Variants in LRRN2 observed in about 807,000 individuals in gnomAD.
LRRN2 encodes the protein leucine rich repeat neuronal 2, also known as leucine-rich repeat neuronal protein 2.
LRRN2 carries 10 observed loss-of-function variants against 35.7 expected under a neutral mutation model. That is an observed-to-expected ratio of 0.28 (90% confidence interval 0.17 to 0.47). LRRN2 has a LOEUF of 0.47. LRRN2 is among the 20% of genes least tolerant of loss of function. LRRN2 has a pLI of 0.99. For synonymous variants in LRRN2, 391 were observed against 409.6 expected, an observed-to-expected ratio of 0.95 and a Z score of 0.55; for missense variants, 731 against 940.3, an observed-to-expected ratio of 0.78 and a Z score of 2.91.
At chr1:204,640,555 A>C (rs1324297628) in intron 1 of LRRN2, among the ~76,000 whole-genome samples, 1 of 152,132 alleles carries the variant, frequency 6.6e-6, no homozygotes, top group Non-Finnish European at 1.5e-5. Flanking sequence ...CCTTCCGAGG[A>C]GACGGTGAGG....
Position 204,663,421 on chromosome 1 carries a change from G to T in LRRN2, c.-227+21899C>A, listed in dbSNP as rs147067937. Among the ~76,000 whole-genome samples, 1,010 of 152,282 alleles carry T rather than the reference G, an allele frequency of 6.6e-3. 6 individuals are homozygous for T. The highest frequency in any genetic ancestry group is 0.01 in the Middle Eastern group (3 of 294). On this transcript the variant is annotated intron_variant, in intron 1 of 1. Coordinates refer to ENST00000367177, the MANE Select transcript of LRRN2 (RefSeq NM_201630.2). ...AGCTGTGTTCTTGGGTGACCTGTGG[G>T]TATCTGGGCCCATTTAATGCACCAA...
chr1:204,668,990 ATTT>A (rs1194044559), intron 1 of LRRN2, among the ~76,000 whole-genome samples: 1 of 152,050 alleles, frequency 6.6e-6, no homozygotes, highest in Non-Finnish European at 1.5e-5. Flanking sequence ...CACCTGGCTA[ATTT>A]TTAAATCTTT....
chr1:204,682,630 T>C (rs897448489), intron 1 of LRRN2, among the ~76,000 whole-genome samples: 3 of 152,240 alleles, frequency 2.0e-5, no homozygotes, highest in Non-Finnish European at 2.9e-5. Context: ...ACTTTTGTAA[T>C]GTTCCTCACA....
At chr1:204,655,348 C>T (rs893565490) in intron 1 of LRRN2, among the ~76,000 whole-genome samples, 3 of 152,318 alleles carry the variant, frequency 2.0e-5, no homozygotes, top group South Asian at 2.1e-4. Flanking sequence ...AGTGCAGTGG[C>T]GCGATCTGGG....
chr1:204,628,133 G>C (rs1311970330), intron 1 of LRRN2: 1 of 152,186 alleles, frequency 6.6e-6, no homozygotes, highest in Non-Finnish European at 1.5e-5. Context: ...TGTCTTCCCT[G>C]GGCAATACCC....
intron 1 of LRRN2, among the ~76,000 whole-genome samples, chr1:204,639,232 A>AT (rs1667923738): frequency 6.6e-6 from 1 of 152,244 alleles, no homozygotes; most frequent in South Asian, 2.1e-4. Context: ...ACAAAGATTC[A>AT]TTGAGCCCAA....
chr1:204,678,679 C>T (rs1033354773), intron 1 of LRRN2, among the ~76,000 whole-genome samples: 1 of 152,170 alleles, frequency 6.6e-6, no homozygotes, highest in Non-Finnish European at 1.5e-5. Context: ...CCTGCCCTTG[C>T]ACCTGCTGTC....
chr1:204,644,181 T>C (rs947040194), intron 1 of LRRN2, among the ~76,000 whole-genome samples: 11 of 151,964 alleles, frequency 7.2e-5, no homozygotes, highest in African/African-American at 2.4e-4. Context: ...GGAGTGGTGG[T>C]CAGAAGCCAC....
At chr1:204,666,895 G>C (rs1668583251) in intron 1 of LRRN2, among the ~76,000 whole-genome samples, 1 of 140,572 alleles carries the variant, frequency 7.1e-6, no homozygotes, top group Non-Finnish European at 1.5e-5. Flanking sequence ...CTGGGAGGCA[G>C]AGGTTGCAGT....
chr1:204,651,946 C>T (rs920262466), intron 1 of LRRN2, among the ~76,000 whole-genome samples: 1 of 152,214 alleles, frequency 6.6e-6, no homozygotes, highest in African/African-American at 2.4e-5. Flanking sequence ...CTCCCTTCCC[C>T]AGCCGGCCCC....
chr1:204,650,815 G>T (rs1668206860), intron 1 of LRRN2, among the ~76,000 whole-genome samples: 3 of 152,102 alleles, frequency 2.0e-5, no homozygotes, highest in Non-Finnish European at 2.9e-5. Context: ...GATTTTACTT[G>T]GGGGGATAGA....
intron 1 of LRRN2, among the ~76,000 whole-genome samples, chr1:204,641,481 G>T (rs1398357487): frequency 2.0e-5 from 3 of 152,160 alleles, no homozygotes; most frequent in African/African-American, 4.8e-5. Flanking sequence ...ATGAAATGGG[G>T]ATAAAAATAT....
intron 1 of LRRN2, among the ~76,000 whole-genome samples, chr1:204,676,927 G>A (rs1668836499): frequency 6.6e-6 from 1 of 152,196 alleles, no homozygotes; most frequent in Non-Finnish European, 1.5e-5. Context: ...TGCTGGCTGT[G>A]CATGGCCTCC....
At position 204,679,879 on chromosome 1, in the gene LRRN2, GA is replaced by G. The variant is rs199951904; in HGVS notation, c.-227+5440del. Among the ~76,000 whole-genome samples, 138 of 152,124 alleles carry G rather than the reference GA, an allele frequency of 9.1e-4. 1 individual carries two copies. The East Asian group carries it at 0.018, about 19-fold the overall frequency. On this transcript the variant is annotated intron_variant, in intron 1 of 1. Coordinates refer to ENST00000367177, the MANE Select transcript of LRRN2 (RefSeq NM_201630.2). The stretch of plus-strand genomic sequence containing the variant: ...ATATCACACCCTGCAGGAGCAGGAG[GA>G]AAAAAAAGGTCACAGAGACCCTCTC...
At chr1:204,655,829 G>A (rs2480467) in intron 1 of LRRN2, among the ~76,000 whole-genome samples, 33,747 of 152,204 alleles carry the variant, frequency 0.22, 4,590 homozygotes, top group Non-Finnish European at 0.31. Flanking sequence ...CCGAAACGCA[G>A]GATAATTGTG....
chr1:204,652,192 C>CAAA (rs1668242064), intron 1 of LRRN2, among the ~76,000 whole-genome samples: 1 of 151,872 alleles, frequency 6.6e-6, no homozygotes, highest in Non-Finnish European at 1.5e-5. Flanking sequence ...GAAAGGGAGA[C>CAAA]GGAAAAACGG....
In LRRN2 at chr1:204,644,835, G is replaced by A. The variant is rs543479776; in HGVS notation, c.-226-24617C>T. On this transcript the variant is annotated intron_variant, in intron 1 of 1. Coordinates refer to ENST00000367177, the MANE Select transcript of LRRN2 (RefSeq NM_201630.2). The stretch of plus-strand genomic sequence containing the variant: ...CAACATGGTTCCCAGGGCTAGCAGT[G>A]GGACCCTCTTAATAGAAGCTTCCTG... 1.6e-4 allele frequency among the ~76,000 whole-genome samples: 24 copies of A among 152,316 alleles called. No homozygotes were observed. In the South Asian group the frequency reaches 4.6e-3, roughly 29 times the overall value.
intron 1 of LRRN2, among the ~76,000 whole-genome samples, chr1:204,671,403 T>TGTGTG (rs1553350489): frequency 0.12 from 14,176 of 122,654 alleles, 1,024 homozygotes; most frequent in Non-Finnish European, 0.14. Context: ...GTTTGTGTGT[T>TGTGTG]TGTGTGTGTG....
chr1:204,658,824 C>A (rs2102616114), intron 1 of LRRN2, among the ~76,000 whole-genome samples: 1 of 152,338 alleles, frequency 6.6e-6, no homozygotes, highest in South Asian at 2.1e-4. Flanking sequence ...TCCTCCCCTG[C>A]CCTTGTGGGC....
Sources: gnomAD v4.1 joint callset for allele counts (sites outside exome capture counted in the v4.1 genomes callset) on GRCh38, gnomAD v4.1.1 for gene constraint, MANE v1.5 for transcripts, NCBI Gene and HGNC (gene_info 2026-07-23, HGNC 2026-07-21) for gene names.